Variants in PSD3 observed in about 807,000 individuals in gnomAD.
PSD3 encodes pleckstrin and Sec7 domain containing 3, also known as PH and SEC7 domain-containing protein 3.
Under a neutral mutation model 105.5 loss-of-function variants are expected in PSD3, and 49 were observed. The ratio of observed to expected loss-of-function variants is 0.46; its 90% confidence interval spans 0.37 to 0.59. The LOEUF is 0.59. PSD3 is among the 20% of genes least tolerant of loss of function. PSD3 has a pLI of 0.00. For missense variants in PSD3, 1,561 were observed against 1,263.8 expected, an observed-to-expected ratio of 1.24 and a Z score of -3.57; for synonymous variants, 557 against 457.8, an observed-to-expected ratio of 1.22 and a Z score of -2.77.
intron 8 of PSD3, among the ~76,000 whole-genome samples, chr8:18,792,828 A>T (rs1190094648): frequency 6.6e-6 from 1 of 152,248 alleles, no homozygotes; most frequent in Non-Finnish European, 1.5e-5. Context: ...ATTACTGGGC[A>T]TATACCCAAA....
intron 2 of PSD3, among the ~76,000 whole-genome samples, chr8:18,877,155 C>T (rs1049464036): frequency 6.6e-6 from 1 of 152,172 alleles, no homozygotes; most frequent in East Asian, 1.9e-4. Context: ...GAAGCACAAA[C>T]GTTTTTACTT....
chr8:18,866,250 G>C (rs56190438), intron 4 of PSD3, among the ~76,000 whole-genome samples: 1 of 152,122 alleles, frequency 6.6e-6, no homozygotes, highest in Non-Finnish European at 1.5e-5. Flanking sequence ...GAGGAGCACC[G>C]CCTCACGGGG....
At position 18,808,664 on chromosome 8, in the gene PSD3, A is replaced by C. The variant is rs1230032279; in HGVS notation, c.1635-3766T>G. ...GTCCCTAGATGGCTTCATTCTGTCC[A>C]TTTCACAGTTTAGGAGATTATTTGA... On this transcript the variant is annotated intron_variant, in intron 4 of 15. Coordinates refer to ENST00000327040, the MANE Select transcript of PSD3 (RefSeq NM_015310.4). 2.0e-5 allele frequency: 31 copies of C among 1,543,156 alleles called. No homozygotes were observed. The South Asian group carries it at 3.4e-4, about 17-fold the overall frequency.
chr8:19,056,430 A>C (rs1828712097), intron 1 of PSD3, among the ~76,000 whole-genome samples: 1 of 152,256 alleles, frequency 6.6e-6, no homozygotes, highest in Non-Finnish European at 1.5e-5. Context: ...TATAAAGAAA[A>C]AAGAAGGCTC....
intron 11 of PSD3, among the ~76,000 whole-genome samples, chr8:18,630,990 C>T (rs533441180): frequency 6.6e-6 from 1 of 151,884 alleles, no homozygotes; most frequent in East Asian, 1.9e-4. Context: ...TGTCAGAGGC[C>T]CTGGAATCAA....
chr8:19,067,434 C>T (rs1355107157), intron 1 of PSD3, among the ~76,000 whole-genome samples: 1 of 152,138 alleles, frequency 6.6e-6, no homozygotes, highest in Non-Finnish European at 1.5e-5. Flanking sequence ...TCCAGGATGC[C>T]TCCCACAGAA....
chr8:19,081,499 C>T (rs1290374767), intron 1 of PSD3, among the ~76,000 whole-genome samples: 1 of 152,206 alleles, frequency 6.6e-6, no homozygotes, highest in Non-Finnish European at 1.5e-5. Flanking sequence ...GAGTTGCTTA[C>T]TATCTGCAAG....
chr8:18,760,447 C>T (rs943431970), intron 9 of PSD3, among the ~76,000 whole-genome samples: 4 of 135,146 alleles, frequency 3.0e-5, no homozygotes, highest in African/African-American at 1.1e-4. Context: ...CTCCATGAAT[C>T]TGTGAGATCA....
chr8:18,950,942 C>G (rs1420685098), intron 1 of PSD3, among the ~76,000 whole-genome samples: 2 of 152,038 alleles, frequency 1.3e-5, no homozygotes, highest in African/African-American at 4.8e-5. Context: ...AATGGGTTAC[C>G]TGGGGTGCTT....
At chr8:18,939,625 A>ATAT (rs1364359057) in intron 1 of PSD3, among the ~76,000 whole-genome samples, 1 of 152,084 alleles carries the variant, frequency 6.6e-6, no homozygotes, top group Non-Finnish European at 1.5e-5. Context: ...TGGGATACAT[A>ATAT]TATTATCATA....
chr8:18,661,415 G>A (rs1325911284), intron 9 of PSD3, among the ~76,000 whole-genome samples: 1 of 152,176 alleles, frequency 6.6e-6, no homozygotes, highest in Non-Finnish European at 1.5e-5. Context: ...CAGAGAAAGA[G>A]CATGTTTGAA....
At chr8:18,769,096 G>A (rs574350126) in intron 8 of PSD3, among the ~76,000 whole-genome samples, 9 of 143,978 alleles carry the variant, frequency 6.3e-5, no homozygotes, top group Admixed American at 2.1e-4. Context: ...GGTGTCTCAA[G>A]GTAAAAAAAT....
At chr8:18,788,939 G>A (rs7000512) in intron 8 of PSD3, among the ~76,000 whole-genome samples, 65,779 of 152,062 alleles carry the variant, frequency 0.43, 17,567 homozygotes, top group Non-Finnish European at 0.6. Context: ...GGCAAAGGAG[G>A]ACCCTTTGTA....
In PSD3 at chr8:18,867,685, A is replaced by C; in HGVS notation, c.1623T>G (p.Ala541=). The C allele has an allele frequency of 6.2e-7, 1 of 1,609,552 alleles. No individual in the cohort carries two copies. The highest frequency in any genetic ancestry group is 8.5e-7 in the Non-Finnish European group (1 of 1,176,960). ...SIYTKGTPEI[A]FWGSNAGVKT... is the part of the protein sequence containing the mutation. ...AATGGGACGAGTACCTTCCCCAGAA[A>C]GCAATCTCCGGGGTGCCTTTCGTGT... Residue 541 remains alanine (A), a synonymous_variant, in exon 4 of 16, where the codon GCT becomes GCG. Coordinates refer to ENST00000327040, the MANE Select transcript of PSD3 (RefSeq NM_015310.4).
chr8:18,784,495 G>C (rs1407031072), intron 8 of PSD3, among the ~76,000 whole-genome samples: 1 of 152,074 alleles, frequency 6.6e-6, no homozygotes, highest in Non-Finnish European at 1.5e-5. Context: ...GCTCATACAG[G>C]TTAAGGGCTC....
intron 10 of PSD3, among the ~76,000 whole-genome samples, chr8:18,637,202 A>G (rs1285566094): frequency 6.6e-6 from 1 of 152,198 alleles, no homozygotes; most frequent in African/African-American, 2.4e-5. Context: ...TTTGTCTTAC[A>G]CTGTTTTCCA....
chr8:18,985,496 A>G (rs570138744), intron 1 of PSD3, among the ~76,000 whole-genome samples: 4 of 152,332 alleles, frequency 2.6e-5, no homozygotes, highest in African/African-American at 9.6e-5. Flanking sequence ...TATAAAACAT[A>G]TTTTGAATGA....
intron 4 of PSD3, among the ~76,000 whole-genome samples, chr8:18,849,859 C>G (rs556734671): frequency 2.7e-4 from 41 of 152,244 alleles, no homozygotes; most frequent in South Asian, 1.9e-3. Flanking sequence ...TTGGTCCAAT[C>G]GATGAGTTCC....
At chr8:18,614,163 T>G (rs1250193187) in intron 11 of PSD3, among the ~76,000 whole-genome samples, 1 of 152,224 alleles carries the variant, frequency 6.6e-6, no homozygotes, top group African/African-American at 2.4e-5. Flanking sequence ...ACATAGGACG[T>G]GTATGCTTCC....
Sources: gnomAD v4.1 joint callset for allele counts (sites outside exome capture counted in the v4.1 genomes callset) on GRCh38, gnomAD v4.1.1 for gene constraint, MANE v1.5 for transcripts, NCBI Gene and HGNC (gene_info 2026-07-23, HGNC 2026-07-21) for gene names.